CPSF6: variants seen among roughly 807,000 people sequenced by gnomAD.
CPSF6 encodes cleavage and polyadenylation specific factor 6.
Under a neutral mutation model 56.7 loss-of-function variants are expected in CPSF6, and 10 were observed. The observed-to-expected ratio is 0.18, with a 90% CI of 0.11 to 0.30. The LOEUF (loss-of-function observed/expected upper bound fraction) is 0.30, where lower values mean the gene tolerates loss of function less well. Ranked by LOEUF, CPSF6 falls within the 10% of genes least tolerant of loss-of-function variation. The pLI is 1.00. For missense variants in CPSF6, 419 were observed against 722.9 expected (o/e 0.58, Z 4.82); for synonymous variants, 248 against 244.8 (o/e 1.01, Z -0.12).
At position 69,271,501 on chromosome 12, in the gene CPSF6, A is replaced by G. The variant is rs1436227221; in HGVS notation, c.*1993A>G. The G allele has an allele frequency of 6.6e-6, 1 of 151,790 alleles. No homozygotes were observed. Among genetic ancestry groups the G allele is most frequent in the Non-Finnish European group, 1.5e-5 (1 of 67,702 alleles). The allele number at this position is 151,790 out of a possible 1,614,324, so 9.4% of individuals were successfully genotyped here. ...CACTTGAAATGAAACTGGAAATTTT[A>G]TACTAATTAAATCCTTTATTTACCT... On this transcript the variant is annotated 3_prime_UTR_variant, in exon 10 of 10. Coordinates refer to ENST00000435070, the MANE Select transcript of CPSF6 (RefSeq NM_007007.3).
In CPSF6 at chr12:69,258,759, A is replaced by G; in HGVS notation, c.864A>G (p.Pro288=). The change falls in exon 6 of 10, where the codon CCA becomes CCG. Residue 288 remains proline, a synonymous_variant. Transcript: ENST00000435070. The surrounding 1 kb of genome is among the most constrained non-coding windows in gnomAD (Gnocchi z 4.2). ...LFPGQPFGQP[P]LGPLPPGPPP... ...CTGGACAACCTTTTGGGCAGCCTCC[A>G]TTGGGTCCACTTCCTCCTGGCCCTC... 1 of 1,613,784 alleles carries G rather than the reference A, an allele frequency of 6.2e-7. No homozygotes were observed. The highest frequency in any genetic ancestry group is 8.5e-7 in the Non-Finnish European group (1 of 1,179,946).
intron 1 of CPSF6, among the ~76,000 whole-genome samples, chr12:69,245,861 G>A (rs959341533): frequency 1.3e-5 from 2 of 152,118 alleles, no homozygotes; most frequent in Non-Finnish European, 2.9e-5. Context: ...TGAAGTAGGC[G>A]GATCACTTGA....
In CPSF6 at chr12:69,270,147, T is replaced by C. The variant is rs1873176634; in HGVS notation, c.*639T>C. On this transcript the variant is annotated 3_prime_UTR_variant, in exon 10 of 10. Transcript: ENST00000435070. ...GTGTCTTTTGCCCTTGATTTTGATA[T>C]TAGAATAGGTGATTACATGGATATT... 6.6e-6 allele frequency: 1 copy of C among 152,230 alleles called. No individual in the cohort carries two copies. Among genetic ancestry groups the C allele is most frequent in the African/African-American group, 2.4e-5 (1 of 41,430 alleles). 9.4% of individuals were successfully genotyped at this position (152,230 alleles called of 1,614,324 possible).
intron 1 of CPSF6, among the ~76,000 whole-genome samples, chr12:69,244,450 G>T (rs1092490): frequency 6.6e-6 from 1 of 151,976 alleles, no homozygotes; most frequent in African/African-American, 2.4e-5. Flanking sequence ...TCTCGAACTC[G>T]TGACCTCAAG....
At chr12:69,244,079 A>G (rs1352759282) in intron 1 of CPSF6, among the ~76,000 whole-genome samples, 2 of 152,062 alleles carry the variant, frequency 1.3e-5, no homozygotes, top group African/African-American at 2.4e-5. Context: ...GCTTTGACCT[A>G]CCAGTGTTGG....
chr12:69,268,238 A>C (rs780931683), intron 9 of CPSF6, among the ~76,000 whole-genome samples: 1 of 151,860 alleles, frequency 6.6e-6, no homozygotes, highest in African/African-American at 2.4e-5. Flanking sequence ...CTTCATCAAC[A>C]TAAGATGAAG....
intron 7 of CPSF6, among the ~76,000 whole-genome samples, chr12:69,259,773 A>G (rs570012998): frequency 6.6e-6 from 1 of 152,354 alleles, no homozygotes; most frequent in South Asian, 2.1e-4. Flanking sequence ...TACCCTTGAC[A>G]TTTAATGGTT....
In CPSF6 at chr12:69,258,737, G is replaced by A; in HGVS notation, c.842G>A (p.Gly281Glu). 6.2e-7 allele frequency: 1 copy of A among 1,613,746 alleles called. No individual in the cohort carries two copies. The highest frequency in any genetic ancestry group is 8.5e-7 in the Non-Finnish European group (1 of 1,179,942). The change falls in exon 6 of 10, where the codon GGA becomes GAA. Residue 281 changes from glycine (G) to glutamate (E), a missense_variant. Transcript: ENST00000435070. The surrounding 1 kb of genome is among the most constrained non-coding windows in gnomAD (Gnocchi z 4.2). ...DRPPPPVLFP[G>E]QPFGQPPLGP... Reference sequence around the variant, plus strand: ...CCTCCACCACCAGTTCTTTTTCCTGGACAACCTTTTGGGCAGCCTCCATTG... The same window carrying A: ...CCTCCACCACCAGTTCTTTTTCCTGAACAACCTTTTGGGCAGCCTCCATTG...
In CPSF6 at chr12:69,239,641, AG is replaced by A; in HGVS notation, c.-4del. The A allele has an allele frequency of 6.4e-7, 1 of 1,573,990 alleles. No homozygotes were observed. The highest frequency in any genetic ancestry group is 8.6e-7 in the Non-Finnish European group (1 of 1,161,862). ...CGGCGGCGGCGGCGGCCGAGGCTGA[AG>A]GAAGATGGCGGACGGCGTGGACCAC... On this transcript the variant is annotated 5_prime_UTR_variant, in exon 1 of 10. Coordinates refer to ENST00000435070, the MANE Select transcript of CPSF6 (RefSeq NM_007007.3).
At chr12:69,242,352 A>C (rs1171691615) in intron 1 of CPSF6, among the ~76,000 whole-genome samples, 1 of 152,064 alleles carries the variant, frequency 6.6e-6, no homozygotes, top group Non-Finnish European at 1.5e-5. Context: ...ACTTTTATGA[A>C]GCTTTTTTGT....
At position 69,258,918 on chromosome 12, in the gene CPSF6, G is replaced by A. The variant is rs559355987; in HGVS notation, c.1023G>A (p.Pro341=). 20 of 1,613,832 alleles carry A rather than the reference G, an allele frequency of 1.2e-5. No homozygotes were observed. Among genetic ancestry groups the A allele is most frequent in the South Asian group, 4.4e-5 (4 of 91,048 alleles). Residue 341 remains proline (P), a synonymous_variant, in exon 6 of 10, where the codon CCG becomes CCA. Coordinates refer to ENST00000435070, the MANE Select transcript of CPSF6 (RefSeq NM_007007.3). This position sits in a 1 kb window ranked among gnomAD's most constrained non-coding sequence, Gnocchi z 4.2. ...CACCCCTTACACTAGCTCCTCCTCC[G>A]CATCTTCCTGGACCACCTCCAGGTG... ...LGPPLTLAPP[P]HLPGPPPGAP...
intron 1 of CPSF6, among the ~76,000 whole-genome samples, chr12:69,240,289 G>A (rs372838767): frequency 6.6e-6 from 1 of 152,294 alleles, no homozygotes; most frequent in South Asian, 2.1e-4. Context: ...TCTCCTTCTC[G>A]GGTTTGCGAC....
chr12:69,263,350 G>A (rs1019641577), intron 9 of CPSF6, among the ~76,000 whole-genome samples: 2 of 151,692 alleles, frequency 1.3e-5, no homozygotes, highest in Non-Finnish European at 2.9e-5. Flanking sequence ...AAACTTTCTT[G>A]TGTACATTTT....
In CPSF6 at chr12:69,264,214, A is replaced by G. The variant is rs1480260874; in HGVS notation, c.*3+1652A>G. On this transcript the variant is annotated intron_variant, in intron 9 of 9. Transcript: ENST00000435070. Reference sequence around the variant, plus strand: ...CTATGTCAGTCATTTCCATTATAGAAGGGTACAGGTTCTGTAAGTTACCTA... The same window carrying G: ...CTATGTCAGTCATTTCCATTATAGAGGGGTACAGGTTCTGTAAGTTACCTA... Among the ~76,000 whole-genome samples the G allele has an allele frequency of 2.6e-5, 4 of 152,162 alleles. No homozygotes were observed. In the East Asian group the frequency reaches 7.7e-4, roughly 29 times the overall value.
Position 69,252,253 on chromosome 12 carries a change from C to CAAAAA in CPSF6, c.271-795_271-794insAAAAA, listed in dbSNP as rs9325189. The CAAAAA allele has an allele frequency of 8.7e-3, 2,894 of 333,454 alleles. 110 individuals are homozygous for CAAAAA. Among genetic ancestry groups the CAAAAA allele is most frequent in the African/African-American group, 0.06 (2,728 of 45,238 alleles). The allele number at this position is 333,454 out of a possible 1,614,324, so 20.7% of individuals were successfully genotyped here. A position where few individuals can be genotyped will look rare whatever the true frequency, so the allele number is the denominator to read the frequency against. The stretch of plus-strand genomic sequence containing the variant: ...TCTGCCTGGCTAATTAAAAACAAAA[C>CAAAAA]AAACACTTTTGTAGAGCTGACTTCT... On this transcript the variant is annotated intron_variant, in intron 2 of 9. Transcript: ENST00000435070.
intron 1 of CPSF6, among the ~76,000 whole-genome samples, chr12:69,250,590 C>CAAAAAAAAAAAAAAAAAAA (rs61337613): frequency 2.0e-5 from 1 of 48,852 alleles, no homozygotes. Context: ...CTGGTCTCTA[C>CAAAAAAAAAAAAAAAAAAA]AAAAAAAAAA....
In CPSF6 at chr12:69,258,885, A is replaced by G; in HGVS notation, c.990A>G (p.Pro330=). ...PGPFPPRPPG[P]LGPPLTLAPP... is the part of the protein sequence containing the mutation. ...CCTTTCCACCTCGTCCACCCGGTCC[A>G]CTTGGGCCACCCCTTACACTAGCTC... The change falls in exon 6 of 10, where the codon CCA becomes CCG. Residue 330 remains proline, a synonymous_variant. Transcript: ENST00000435070. This position sits in a 1 kb window ranked among gnomAD's most constrained non-coding sequence, Gnocchi z 4.2. The G allele has an allele frequency of 2.5e-6, 4 of 1,613,862 alleles. No homozygotes were observed. Among genetic ancestry groups the G allele is most frequent in the East Asian group, 2.2e-5 (1 of 44,870 alleles).
chr12:69,256,978 A>G (rs1872538454), intron 4 of CPSF6, 136 bp downstream of exon 4: 5 of 762,934 alleles, frequency 6.6e-6, no homozygotes, highest in Non-Finnish European at 8.3e-6. Context: ...TTTGAATTAG[A>G]TTTAATCACT....
chr12:69,247,905 A>G (rs1012568346), intron 1 of CPSF6, among the ~76,000 whole-genome samples: 1 of 152,220 alleles, frequency 6.6e-6, no homozygotes, highest in African/African-American at 2.4e-5. Context: ...GTTTAAATGT[A>G]TACCATTGGG....
Sources: gnomAD v4.1 joint callset for allele counts (sites outside exome capture counted in the v4.1 genomes callset) on GRCh38, gnomAD v4.1.1 for gene constraint, Gnocchi (gnomAD v3.1) non-coding constraint, MANE v1.5 for transcripts, NCBI Gene and HGNC (gene_info 2026-07-23, HGNC 2026-07-21) for gene names.